The following ELP2 variants were observed in gnomAD, a reference collection of about 807,000 sequenced individuals.
ELP2 encodes elongator acetyltransferase complex subunit 2, also known as elongator complex protein 2.
ELP2 carries 90 observed loss-of-function variants against 119.2 expected under a neutral mutation model. The ratio of observed to expected loss-of-function variants is 0.75; its 90% CI spans 0.64 to 0.90. The LOEUF (loss-of-function observed/expected upper bound fraction) is 0.90, where lower values mean the gene tolerates loss of function less well. Among genes scored for constraint, ELP2 ranks in the 40% least tolerant of loss-of-function variants. ELP2 has a pLI of 0.00. For missense variants in ELP2, 921 were observed against 967.8 expected (o/e 0.95, Z 0.64); for synonymous variants, 339 against 331.0 (o/e 1.02, Z -0.26).
chr18:36,146,003 G>C lies in ELP2; in HGVS notation c.948G>C (p.Met316Ile). The change falls in exon 10 of 22, where the codon ATG becomes ATC. Residue 316 changes from methionine (M) to isoleucine (I), a missense_variant. Transcript: ENST00000358232. Reference protein sequence around the residue: ...RLLSASMDKTMILWAPDEESG... With the variant: ...RLLSASMDKTIILWAPDEESG... ...TATCTGCTTCCATGGATAAAACCAT[G>C]ATTCTCTGGGCTCCAGATGAAGAGT... The C allele has an allele frequency of 6.2e-7, 1 of 1,614,036 alleles. No homozygotes were observed. Among genetic ancestry groups the C allele is most frequent in the South Asian group, 1.1e-5 (1 of 91,078 alleles).
intron 17 of ELP2, 100 bp downstream of exon 17, chr18:36,161,104 G>A: frequency 1.2e-6 from 1 of 817,004 alleles, no homozygotes; most frequent in Non-Finnish European, 2.2e-6. Context: ...TACGTGAAAG[G>A]CCACTAGTGC....
chr18:36,163,308 C>T (rs938208066), intron 17 of ELP2, among the ~76,000 whole-genome samples: 2 of 46,562 alleles, frequency 4.3e-5, no homozygotes, highest in African/African-American at 1.1e-4. Context: ...GTATACACCA[C>T]ATTTTAAAAA....
At chr18:36,153,221 CTTGGAG>C (rs1173860137) in intron 11 of ELP2, among the ~76,000 whole-genome samples, 2 of 152,176 alleles carry the variant, frequency 1.3e-5, no homozygotes, top group African/African-American at 4.8e-5. Flanking sequence ...TGAACCAACT[CTTGGAG>C]TTGGATCTAT....
chr18:36,162,267 A>C (rs1455304530), intron 17 of ELP2, among the ~76,000 whole-genome samples: 1 of 151,980 alleles, frequency 6.6e-6, no homozygotes, highest in Non-Finnish European at 1.5e-5. Flanking sequence ...GCTTTTTGTC[A>C]TGATAGAGTA....
chr18:36,149,244 A>G (rs2090309575), intron 11 of ELP2, among the ~76,000 whole-genome samples: 1 of 151,884 alleles, frequency 6.6e-6, no homozygotes, highest in Non-Finnish European at 1.5e-5. Flanking sequence ...GTTGATCTAG[A>G]TTGCTGGCAG....
At chr18:36,153,549 A>C (rs571905453) in intron 11 of ELP2, among the ~76,000 whole-genome samples, 1 of 152,092 alleles carries the variant, frequency 6.6e-6, no homozygotes, top group African/African-American at 2.4e-5. Context: ...AACACTCTCT[A>C]CCCAGAGATA....
chr18:36,145,545 C>A (rs766539232), intron 9 of ELP2, among the ~76,000 whole-genome samples: 1 of 152,148 alleles, frequency 6.6e-6, no homozygotes, highest in Non-Finnish European at 1.5e-5. Context: ...GGCCTCTTCC[C>A]CAAGGCAATA....
chr18:36,134,039 A>G (rs1412920996), intron 2 of ELP2, among the ~76,000 whole-genome samples: 1 of 149,892 alleles, frequency 6.7e-6, no homozygotes, highest in Non-Finnish European at 1.5e-5. Flanking sequence ...TCTGTAGCCC[A>G]GGCTTGTCTC....
intron 2 of ELP2, among the ~76,000 whole-genome samples, chr18:36,135,420 G>A (rs2089789571): frequency 6.6e-6 from 1 of 152,110 alleles, no homozygotes; most frequent in East Asian, 1.9e-4. Context: ...CAATTGCTGT[G>A]ACACATGAAG....
At chr18:36,156,738 A>T in intron 13 of ELP2, 84 bp downstream of exon 13, 1 of 1,203,718 alleles carries the variant, frequency 8.3e-7, no homozygotes, top group East Asian at 2.4e-5. Context: ...CTTTAAATGG[A>T]ATATATGGGT....
At chr18:36,141,380 C>T (rs766673361) in intron 6 of ELP2, 179 bp downstream of exon 6, 42 of 619,130 alleles carry the variant, frequency 6.8e-5, no homozygotes, top group Middle Eastern at 2.5e-4. Flanking sequence ...ACCAAGTAAC[C>T]GCTGCCTTGA....
At position 36,153,247 on chromosome 18, in the gene ELP2, C is replaced by T. The variant is rs148322618; in HGVS notation, c.1126-1603C>T. On this transcript the variant is annotated intron_variant, in intron 11 of 21. Transcript: ENST00000358232. ...TTGGAGTTGGATCTATCCGTAAATT[C>T]CACTGGTAACTTTAACCTTTAGTAA... Among the ~76,000 whole-genome samples, 88 of 152,264 alleles carry T rather than the reference C, an allele frequency of 5.8e-4. No homozygotes were observed. In the East Asian group the frequency reaches 0.016, roughly 28 times the overall value.
At position 36,152,059 on chromosome 18, in the gene ELP2, T is replaced by G. The variant is rs1430074431; in HGVS notation, c.1126-2791T>G. On this transcript the variant is annotated intron_variant, in intron 11 of 21. Coordinates refer to ENST00000358232, the MANE Select transcript of ELP2 (RefSeq NM_018255.4). ...AGCCACCATGCCCAGCCAGTTCTGG[T>G]TTTTTAATGGTTTTTTTCCAGCTAC... 2.0e-5 allele frequency among the ~76,000 whole-genome samples: 3 copies of G among 151,756 alleles called. No homozygotes were observed. In the East Asian group the frequency reaches 5.8e-4, roughly 29 times the overall value.
chr18:36,154,277 G>GGTT (rs1313097931), intron 11 of ELP2, among the ~76,000 whole-genome samples: 1 of 152,034 alleles, frequency 6.6e-6, no homozygotes, highest in African/African-American at 2.4e-5. Context: ...TTGTTTATAT[G>GGTT]GTTGTTGTTG....
chr18:36,138,786 ATTTC>A lies in ELP2; in HGVS notation c.446-6_446-3del. ...TTAGTTGTTCATTGTGTTTTTTATT[ATTTC>A]TTAGTAATGTGCCTTCAGACTTTAA... On this transcript the variant is annotated splice_region_variant and splice_polypyrimidine_tract_variant and intron_variant, in intron 4 of 21. Coordinates refer to ENST00000358232, the MANE Select transcript of ELP2 (RefSeq NM_018255.4). The A allele has an allele frequency of 6.2e-7, 1 of 1,611,402 alleles. No homozygotes were observed. The highest frequency in any genetic ancestry group is 8.5e-7 in the Non-Finnish European group (1 of 1,177,742).
Position 36,130,856 on chromosome 18 carries a change from C to T in ELP2, c.138+785C>T, listed in dbSNP as rs185753201. Among the ~76,000 whole-genome samples the T allele has an allele frequency of 8.4e-4, 128 of 152,188 alleles. 2 individuals are homozygous for T. Among genetic ancestry groups the T allele is most frequent in the Admixed American group, 8.0e-3 (123 of 15,288 alleles). ...GCTATATGTATTTCTGTTCATACGGCTTTATTAATTTGGTTAAAAATTTCA... is the reference window on the plus strand; with the variant it reads ...GCTATATGTATTTCTGTTCATACGGTTTTATTAATTTGGTTAAAAATTTCA... On this transcript the variant is annotated intron_variant, in intron 1 of 21. Transcript: ENST00000358232.
intron 19 of ELP2, among the ~76,000 whole-genome samples, chr18:36,169,255 C>T (rs1214275217): frequency 6.6e-6 from 1 of 152,022 alleles, no homozygotes; most frequent in Non-Finnish European, 1.5e-5. Flanking sequence ...ACCATTCACA[C>T]ATCCTTGAGG....
chr18:36,160,768 C>T (rs1320832623), intron 16 of ELP2, among the ~76,000 whole-genome samples, 164 bp from the exon 17 acceptor site: 16 of 152,102 alleles, frequency 1.1e-4, no homozygotes, highest in Admixed American at 1.0e-3. Flanking sequence ...TCTCCCATCT[C>T]CCTGTCTTTC....
At chr18:36,151,027 C>G (rs111933626) in intron 11 of ELP2, among the ~76,000 whole-genome samples, 216 of 152,096 alleles carry the variant, frequency 1.4e-3, no homozygotes, top group Non-Finnish European at 2.2e-3. Flanking sequence ...AGTTTCCCCC[C>G]CTATTGCCCC....
Sources: allele counts gnomAD v4.1 joint callset (sites outside exome capture counted in the v4.1 genomes callset), GRCh38; gene constraint gnomAD v4.1.1; transcripts MANE v1.5; gene names NCBI Gene and HGNC (gene_info 2026-07-23, HGNC 2026-07-21).